RAD17: variants seen among roughly 807,000 people sequenced by gnomAD.
The protein encoded by RAD17 is RAD17 checkpoint clamp loader component, also known as cell cycle checkpoint protein RAD17.
Under a neutral mutation model 81.5 loss-of-function variants are expected in RAD17, and 31 were observed. That is an observed-to-expected ratio of 0.38 (90% CI 0.29 to 0.51). The LOEUF is 0.51. RAD17 is among the 20% of genes least tolerant of loss of function. The pLI, the probability that RAD17 is intolerant of heterozygous loss-of-function variation, is 0.88. For missense variants in RAD17, 681 were observed against 781.2 expected, an observed-to-expected ratio of 0.87 and a Z score of 1.53; for synonymous variants, 261 against 266.2, an observed-to-expected ratio of 0.98 and a Z score of 0.19.
In RAD17 at chr5:69,397,534, CAA is replaced by C. The variant is rs17230116; in HGVS notation, c.1572+989_1572+990del. ...ATCCCAGCACTGTGGAAGGCCAAAA[CAA>C]GAGGATCACTTGAGCCCAGGAGTTT... On this transcript the variant is annotated intron_variant, in intron 16 of 18. Coordinates refer to ENST00000354868, the MANE Select transcript of RAD17 (RefSeq NM_133338.3). Among the ~76,000 whole-genome samples the C allele has an allele frequency of 3.9e-5, 6 of 152,118 alleles. No homozygotes were observed. The East Asian group carries it at 5.8e-4, about 15-fold the overall frequency.
chr5:69,373,728 G>C, intron 4 of RAD17, 102 bp from the exon 5 acceptor site: 1 of 486,386 alleles, frequency 2.1e-6, no homozygotes, highest in South Asian at 2.1e-5. Flanking sequence ...AGTTTTAAAG[G>C]TTATAAATAT....
At chr5:69,386,150 T>G (rs1042970112) in intron 9 of RAD17, 30 bp from the exon 10 acceptor site, 26 of 1,600,380 alleles carry the variant, frequency 1.6e-5, no homozygotes, top group Non-Finnish European at 2.2e-5. Context: ...GTGGCTTAAA[T>G]TTCAACATTG....
At chr5:69,411,132 C>T (rs543696014) in intron 18 of RAD17, among the ~76,000 whole-genome samples, 4 of 151,716 alleles carry the variant, frequency 2.6e-5, no homozygotes, top group Admixed American at 1.3e-4. Context: ...TAAAAATGGC[C>T]GGGCGTGGTG....
chr5:69,390,443 A>G (rs1764481905), intron 12 of RAD17, among the ~76,000 whole-genome samples: 3 of 152,144 alleles, frequency 2.0e-5, no homozygotes. Context: ...AGCCTGGGCA[A>G]CATAGCAAGA....
chr5:69,390,640 G>C (rs1456671652), intron 12 of RAD17, among the ~76,000 whole-genome samples: 4 of 152,008 alleles, frequency 2.6e-5, no homozygotes, highest in African/African-American at 9.7e-5. Context: ...TTACCTCTTT[G>C]TATCTCATTT....
chr5:69,405,752 G>GATCA (rs1765560335), intron 17 of RAD17, among the ~76,000 whole-genome samples: 1 of 150,360 alleles, frequency 6.7e-6, no homozygotes, highest in African/African-American at 2.4e-5. Context: ...CAAAGAATAT[G>GATCA]AAGTCAAGGC....
intron 14 of RAD17, 41 bp downstream of exon 14, chr5:69,393,281 A>G (rs1162270054): frequency 6.4e-7 from 1 of 1,568,314 alleles, no homozygotes; most frequent in Non-Finnish European, 8.7e-7. Context: ...TACAAAGGAT[A>G]TATTATTCGT....
intron 6 of RAD17, among the ~76,000 whole-genome samples, chr5:69,380,464 AT>A (rs1763782668): frequency 6.6e-6 from 1 of 152,186 alleles, no homozygotes; most frequent in Non-Finnish European, 1.5e-5. Context: ...AAAGTTGATT[AT>A]CTGGCACATG....
In RAD17 at chr5:69,384,787, T is replaced by C; in HGVS notation, c.509-10T>C. ...GTTGAAAATAAAAGTGGTTATGTGT[T>C]TCCTTTCAGAATCAAGCTTCCATAT... On this transcript the variant is annotated splice_polypyrimidine_tract_variant and intron_variant, in intron 7 of 18. Transcript: ENST00000354868. 1 of 1,597,150 alleles carries C rather than the reference T, an allele frequency of 6.3e-7. No individual in the cohort carries two copies. The highest frequency in any genetic ancestry group is 8.5e-7 in the Non-Finnish European group (1 of 1,172,536).
chr5:69,411,089 C>T (rs1362824538), intron 18 of RAD17, among the ~76,000 whole-genome samples: 5 of 149,438 alleles, frequency 3.3e-5, no homozygotes, highest in African/African-American at 9.9e-5. Flanking sequence ...TTTGTAAGAT[C>T]GAATTAAGCA....
Position 69,393,163 on chromosome 5 carries a change from T to G in RAD17, c.1198T>G (p.Leu400Val). The change falls in exon 14 of 19, where the codon TTA becomes GTA. Residue 400 changes from leucine (L) to valine (V), a missense_variant. Leu to Val is a conservative substitution (Grantham distance 32, BLOSUM62 1). Coordinates refer to ENST00000354868, the MANE Select transcript of RAD17 (RefSeq NM_133338.3). ...GKILYCKRAS[L>V]TELDSPRLPS... ...CCAGAAATTTTTTATAGGAGCATCT[T>G]TAACAGAATTAGACTCACCTCGGTT... 6.2e-7 allele frequency: 1 copy of G among 1,601,730 alleles called. No homozygotes were observed. The highest frequency in any genetic ancestry group is 8.5e-7 in the Non-Finnish European group (1 of 1,172,062).
intron 15 of RAD17, among the ~76,000 whole-genome samples, chr5:69,396,006 GTTTCAATTATA>G (rs1764861322): frequency 6.6e-6 from 1 of 152,108 alleles, no homozygotes; most frequent in African/African-American, 2.4e-5. Flanking sequence ...TCATATTTTA[GTTTCAATTATA>G]TTTTAGTTAT....
intron 1 of RAD17, 186 bp downstream of exon 1, chr5:69,370,119 C>T: frequency 4.7e-6 from 1 of 211,708 alleles, no homozygotes; most frequent in East Asian, 1.4e-4. Flanking sequence ...AACCCGGCAC[C>T]CCACTGATTA....
chr5:69,382,219 C>T (rs1380580976), intron 7 of RAD17, among the ~76,000 whole-genome samples, 162 bp downstream of exon 7: 1 of 152,110 alleles, frequency 6.6e-6, no homozygotes, highest in Non-Finnish European at 1.5e-5. Context: ...GAGGCTGAGG[C>T]AGGAGGATTG....
intron 4 of RAD17, among the ~76,000 whole-genome samples, chr5:69,372,445 T>G (rs1763065375): frequency 6.6e-6 from 1 of 152,190 alleles, no homozygotes; most frequent in Non-Finnish European, 1.5e-5. Flanking sequence ...TGAGTATTCT[T>G]GAAAGAAATA....
chr5:69,386,011 C>G (rs529485469), intron 8 of RAD17, 32 bp from the exon 9 acceptor site: 2 of 1,484,446 alleles, frequency 1.3e-6, no homozygotes, highest in South Asian at 1.4e-5. Flanking sequence ...TGGAATAAAA[C>G]TATACTATTA....
chr5:69,377,496 C>T lies in RAD17; in HGVS notation c.351+2785C>T, dbSNP rs1265105256. On this transcript the variant is annotated intron_variant, in intron 6 of 18. Transcript: ENST00000354868. ...ATATACACACACACACATATATATA[C>T]GTATATATATGTATATATACGTATA... Among the ~76,000 whole-genome samples, 97 of 51,670 alleles carry T rather than the reference C, an allele frequency of 1.9e-3. 17 individuals are homozygous for T. Among genetic ancestry groups the T allele is most frequent in the African/African-American group, 5.1e-3 (63 of 12,346 alleles). The allele number at this position is 51,670 out of a possible 152,430, so 33.9% of individuals were successfully genotyped here.
At position 69,373,894 on chromosome 5, in the gene RAD17, C is replaced by A; in HGVS notation, c.74C>A (p.Thr25Asn). The A allele has an allele frequency of 6.2e-7, 1 of 1,608,310 alleles. No individual in the cohort carries two copies. The highest frequency in any genetic ancestry group is 8.5e-7 in the Non-Finnish European group (1 of 1,175,348). ...GAGTGTAGTGGCGTCTCTACTATTA[C>A]TGCCACATCATTAGGTGTGAATAAC... ...FLECSGVSTI[T>N]ATSLGVNNSS... Residue 25 changes from threonine to asparagine, a missense_variant, in exon 5 of 19, where the codon ACT becomes AAT. Coordinates refer to ENST00000354868, the MANE Select transcript of RAD17 (RefSeq NM_133338.3).
intron 7 of RAD17, 92 bp from the exon 8 acceptor site, chr5:69,384,705 A>G (rs1764067986): frequency 2.6e-6 from 3 of 1,159,122 alleles, no homozygotes; most frequent in Non-Finnish European, 3.6e-6. Context: ...GTATTGTGAG[A>G]TGCATCAAGT....
Sources: gnomAD v4.1 joint callset for allele counts (sites outside exome capture counted in the v4.1 genomes callset) on GRCh38, gnomAD v4.1.1 for gene constraint, MANE v1.5 for transcripts, NCBI Gene and HGNC (gene_info 2026-07-23, HGNC 2026-07-21) for gene names.